RPTOR: variants seen among roughly 807,000 people sequenced by gnomAD.
RPTOR encodes regulatory associated protein of MTOR complex 1.
RPTOR carries 21 observed loss-of-function variants against 169.9 expected under a neutral mutation model. That is an observed-to-expected ratio of 0.12 (90% CI 0.09 to 0.18). The LOEUF is 0.18. RPTOR is among the 10% of genes least tolerant of loss of function. The pLI is 1.00. For missense variants in RPTOR, 1,133 were observed against 1,855.9 expected (o/e 0.61, Z 7.16); for synonymous variants, 732 against 753.2 (o/e 0.97, Z 0.46).
chr17:80,900,168 T>G (rs571762855), intron 20 of RPTOR, among the ~76,000 whole-genome samples: 301 of 152,126 alleles, frequency 2.0e-3, no homozygotes, highest in Non-Finnish European at 3.6e-3. Context: ...GGACTCCTCT[T>G]TGTGCCCCAA....
At chr17:80,564,864 C>T (rs139127182) in intron 1 of RPTOR, among the ~76,000 whole-genome samples, 1,869 of 152,190 alleles carry the variant, frequency 0.012, 52 homozygotes, top group African/African-American at 0.042. Context: ...TTTCTGTTCC[C>T]GTGTTAGTTT....
Position 80,545,042 on chromosome 17 carries a change from C to T in RPTOR, c.-588C>T, listed in dbSNP as rs1353509790. ...CCAGGACCAGCCAGGCCGCGCGGAC[C>T]TGAGGTTGAGGAACCGGGTGCAGGC... On this transcript the variant is annotated 5_prime_UTR_variant, in exon 1 of 34. Coordinates refer to ENST00000306801, the MANE Select transcript of RPTOR (RefSeq NM_020761.3). 5 of 233,108 alleles carry T rather than the reference C, an allele frequency of 2.1e-5. No homozygotes were observed. The highest frequency in any genetic ancestry group is 8.8e-5 in the African/African-American group (4 of 45,322). The allele number at this position is 233,108 out of a possible 1,614,324, so 14.4% of individuals were successfully genotyped here.
At chr17:80,720,528 A>G (rs1366507918) in intron 4 of RPTOR, among the ~76,000 whole-genome samples, 1 of 152,216 alleles carries the variant, frequency 6.6e-6, no homozygotes, top group African/African-American at 2.4e-5. Context: ...AAGGCCATTA[A>G]CAAAAACTCC....
At chr17:80,635,219 G>A (rs1302197768) in intron 2 of RPTOR, among the ~76,000 whole-genome samples, 1 of 152,076 alleles carries the variant, frequency 6.6e-6, no homozygotes, top group Non-Finnish European at 1.5e-5. Flanking sequence ...TCACTGCCCT[G>A]GTCCAACACC....
chr17:80,651,156 T>C lies in RPTOR; in HGVS notation c.348+7346T>C, dbSNP rs185635144. 4.6e-4 allele frequency among the ~76,000 whole-genome samples: 70 copies of C among 152,294 alleles called. No individual in the cohort carries two copies. The highest frequency in any genetic ancestry group is 1.6e-3 in the African/African-American group (65 of 41,560). ...TGATACAGAGCGATGCGGAGATGGC[T>C]CTGAAGGACAGGCAGGTGCCAGGCG... On this transcript the variant is annotated intron_variant, in intron 3 of 33. Coordinates refer to ENST00000306801, the MANE Select transcript of RPTOR (RefSeq NM_020761.3). This position sits in a 1 kb window ranked among gnomAD's most constrained non-coding sequence, Gnocchi z 4.1.
At chr17:80,716,464 A>G (rs913325661) in intron 4 of RPTOR, among the ~76,000 whole-genome samples, 1 of 151,958 alleles carries the variant, frequency 6.6e-6, no homozygotes, top group Non-Finnish European at 1.5e-5. Context: ...ATTTCCGGAT[A>G]TTAGTCTTTT....
chr17:80,783,400 C>T (rs1304673980), intron 6 of RPTOR, among the ~76,000 whole-genome samples: 1 of 152,216 alleles, frequency 6.6e-6, no homozygotes, highest in Non-Finnish European at 1.5e-5. Context: ...ATTATTTGCT[C>T]TGTTGTTTTG....
In RPTOR at chr17:80,616,298, C is replaced by CTTTTTTTTT. The variant is rs201229448; in HGVS notation, c.163-9380_163-9372dup. Among the ~76,000 whole-genome samples the CTTTTTTTTT allele has an allele frequency of 1.2e-3, 139 of 113,288 alleles. 4 individuals are homozygous for CTTTTTTTTT. The highest frequency in any genetic ancestry group is 1.7e-3 in the Non-Finnish European group (98 of 59,264). The allele number at this position is 113,288 out of a possible 152,430, so 74.3% of individuals were successfully genotyped here. A position where few individuals can be genotyped will look rare whatever the true frequency, so the allele number is the denominator to read the frequency against. On this transcript the variant is annotated intron_variant, in intron 1 of 33. Coordinates refer to ENST00000306801, the MANE Select transcript of RPTOR (RefSeq NM_020761.3). ...AATCCATTTATTGAAAATTGAAAAT[C>CTTTTTTTTT]TTTTTTTTTTTTTTTTTTTTTGAGA... is the stretch of plus-strand genomic sequence containing the variant.
intron 3 of RPTOR, among the ~76,000 whole-genome samples, chr17:80,686,034 C>T (rs1433942153): frequency 1.1e-4 from 16 of 152,046 alleles, no homozygotes. Context: ...TCCGACCCAT[C>T]TGGTGCTGTT....
Position 80,707,167 on chromosome 17 carries a change from CCATGTGTA to C in RPTOR, c.349-670_349-663del, listed in dbSNP as rs2066148185. Among the ~76,000 whole-genome samples the C allele has an allele frequency of 6.6e-6, 1 of 152,188 alleles. No individual in the cohort carries two copies. The highest frequency in any genetic ancestry group is 2.1e-4 in the South Asian group (1 of 4,834). On this transcript the variant is annotated intron_variant, in intron 3 of 33. Transcript: ENST00000306801. The surrounding 1 kb of genome is among the most constrained non-coding windows in gnomAD (Gnocchi z 5.0). ...TCTCTTCACTCTTCTGCCATTGCTG[CCATGTGTA>C]CATTGCAGGCTCCTTCATTTGAGCA... is the stretch of plus-strand genomic sequence containing the variant.
intron 2 of RPTOR, 99 bp from the exon 3 acceptor site, chr17:80,643,629 C>A: frequency 3.7e-6 from 3 of 821,028 alleles, no homozygotes; most frequent in Non-Finnish European, 5.8e-6. Context: ...TCAAAGGTGA[C>A]TTTGAAGTGT....
At chr17:80,933,339 G>A (rs2068920455) in intron 24 of RPTOR, among the ~76,000 whole-genome samples, 1 of 152,088 alleles carries the variant, frequency 6.6e-6, no homozygotes, top group Non-Finnish European at 1.5e-5. Context: ...CCCTACACTA[G>A]TAATGAAAAC....
intron 6 of RPTOR, among the ~76,000 whole-genome samples, chr17:80,764,480 A>G (rs1039184895): frequency 2.0e-5 from 3 of 151,772 alleles, no homozygotes; most frequent in Admixed American, 6.6e-5. Context: ...GTCCCTACAA[A>G]GGACATGAAC....
intron 11 of RPTOR, among the ~76,000 whole-genome samples, chr17:80,852,059 C>T (rs1301871101): frequency 6.6e-6 from 1 of 152,120 alleles, no homozygotes; most frequent in African/African-American, 2.4e-5. Flanking sequence ...CCTAGTGTTC[C>T]CTACACACAG....
At position 80,870,983 on chromosome 17, in the gene RPTOR, G is replaced by A. The variant is rs149135689; in HGVS notation, c.1510-9432G>A. On this transcript the variant is annotated intron_variant, in intron 13 of 33. Coordinates refer to ENST00000306801, the MANE Select transcript of RPTOR (RefSeq NM_020761.3). Reference sequence around the variant, plus strand: ...GGATCCCACATGACATTGAGTCCTCGTGTCTTCTTGGGCTTCTCTTGGCCG... The same window carrying A: ...GGATCCCACATGACATTGAGTCCTCATGTCTTCTTGGGCTTCTCTTGGCCG... 9.7e-3 allele frequency among the ~76,000 whole-genome samples: 1,480 copies of A among 152,276 alleles called. 17 individuals carry two copies. The highest frequency in any genetic ancestry group is 0.02 in the Middle Eastern group (6 of 294).
chr17:80,729,931 T>A (rs1239027712), intron 4 of RPTOR, among the ~76,000 whole-genome samples: 1 of 152,152 alleles, frequency 6.6e-6, no homozygotes, highest in Non-Finnish European at 1.5e-5. Context: ...CAGCTCTGGT[T>A]CCATGGAGGG....
chr17:80,842,175 C>G (rs2067678623), intron 10 of RPTOR, among the ~76,000 whole-genome samples: 1 of 152,226 alleles, frequency 6.6e-6, no homozygotes, highest in South Asian at 2.1e-4. Context: ...ACAGTGCTGG[C>G]TAGAGCCAGA....
Position 80,545,530 on chromosome 17 carries a change from TTTTG to T in RPTOR, c.-96_-93del. On this transcript the variant is annotated 5_prime_UTR_variant, in exon 1 of 34. Transcript: ENST00000306801. ...ATCCATTTGGTTTTCGATTTCCCGTTTTTGTTTCTTATTTCACCAATTCTGGTAC... is the reference window on the plus strand; with the variant it reads ...ATCCATTTGGTTTTCGATTTCCCGTTTTTCTTATTTCACCAATTCTGGTAC... The T allele has an allele frequency of 1.1e-6, 1 of 949,360 alleles. No homozygotes were observed. Among genetic ancestry groups the T allele is most frequent in the Admixed American group, 2.4e-5 (1 of 41,876 alleles). The allele number at this position is 949,360 out of a possible 1,614,324, so 58.8% of individuals were successfully genotyped here. A position where few individuals can be genotyped will look rare whatever the true frequency, so the allele number is the denominator to read the frequency against.
Position 80,557,619 on chromosome 17 carries a change from T to C in RPTOR, c.162+11828T>C, listed in dbSNP as rs142968489. ...GGAGAGCTGAAGTTTGATACCTTTT[T>C]CTAAGTCTAAATATATGGAAAATGG... On this transcript the variant is annotated intron_variant, in intron 1 of 33. Coordinates refer to ENST00000306801, the MANE Select transcript of RPTOR (RefSeq NM_020761.3). 4.2e-3 allele frequency among the ~76,000 whole-genome samples: 634 copies of C among 152,282 alleles called. 5 individuals are homozygous for C. The highest frequency in any genetic ancestry group is 0.015 in the African/African-American group (617 of 41,558).
Sources: allele counts gnomAD v4.1 joint callset (sites outside exome capture counted in the v4.1 genomes callset), GRCh38; gene constraint gnomAD v4.1.1; non-coding constraint Gnocchi (gnomAD v3.1); transcripts MANE v1.5; gene names NCBI Gene and HGNC (gene_info 2026-07-23, HGNC 2026-07-21).